The following SEMA6D variants were observed in gnomAD, a reference collection of about 807,000 sequenced individuals.
SEMA6D encodes semaphorin-6D.
SEMA6D carries 35 observed loss-of-function variants against 106.6 expected under a neutral mutation model. That is an observed-to-expected ratio of 0.33 (90% CI 0.25 to 0.44). The LOEUF (loss-of-function observed/expected upper bound fraction) is 0.44. Among genes scored for constraint, SEMA6D ranks in the 20% least tolerant of loss-of-function variants. The pLI, the probability that SEMA6D is intolerant of heterozygous loss-of-function variation, is 1.00. For missense variants in SEMA6D, 1,185 were observed against 1,345.9 expected, an observed-to-expected ratio of 0.88 and a Z score of 1.87; for synonymous variants, 499 against 487.7, an observed-to-expected ratio of 1.02 and a Z score of -0.31.
At chr15:47,292,947 G>C (rs1832117708) in intron 1 of SEMA6D, among the ~76,000 whole-genome samples, 1 of 152,304 alleles carries the variant, frequency 6.6e-6, no homozygotes, top group Middle Eastern at 3.4e-3. Flanking sequence ...TCGCCTGGCT[G>C]TGCAGTCTGT....
intron 1 of SEMA6D, among the ~76,000 whole-genome samples, chr15:47,372,944 C>T (rs1181802439): frequency 6.6e-6 from 1 of 152,150 alleles, no homozygotes; most frequent in Non-Finnish European, 1.5e-5. Flanking sequence ...TCCTAACTTC[C>T]AGCTCTTTGA....
chr15:47,756,985 G>A (rs955802398), intron 1 of SEMA6D, among the ~76,000 whole-genome samples: 4 of 151,516 alleles, frequency 2.6e-5, no homozygotes, highest in African/African-American at 9.7e-5. Flanking sequence ...GGATTAGAGT[G>A]GTAGGGGGTG....
chr15:47,738,218 T>C (rs1328185446), intron 1 of SEMA6D, among the ~76,000 whole-genome samples: 2 of 152,158 alleles, frequency 1.3e-5, no homozygotes, highest in African/African-American at 4.8e-5. Context: ...TTCTCAATGT[T>C]CAACTCCCAC....
chr15:47,552,034 A>G (rs2045709169), intron 3 of SEMA6D, among the ~76,000 whole-genome samples: 1 of 151,634 alleles, frequency 6.6e-6, no homozygotes, highest in Non-Finnish European at 1.5e-5. Context: ...GCCCAAGGAA[A>G]CAGACAAAAA....
intron 3 of SEMA6D, among the ~76,000 whole-genome samples, chr15:47,573,963 G>C (rs4775697): frequency 6.6e-6 from 1 of 152,214 alleles, no homozygotes; most frequent in African/African-American, 2.4e-5. Flanking sequence ...CAAATCTTCT[G>C]TGACAAAGCC....
At chr15:47,236,829 A>G (rs536071604) in intron 1 of SEMA6D, among the ~76,000 whole-genome samples, 1 of 152,300 alleles carries the variant, frequency 6.6e-6, no homozygotes, top group African/African-American at 2.4e-5. Flanking sequence ...ACTTGGGCAA[A>G]TAGCACGGGA....
At chr15:47,237,337 A>AC (rs2032614421) in intron 1 of SEMA6D, among the ~76,000 whole-genome samples, 1 of 152,120 alleles carries the variant, frequency 6.6e-6, no homozygotes, top group Non-Finnish European at 1.5e-5. Context: ...CACTTAAATG[A>AC]TCACACTGTG....
chr15:47,434,087 A>G (rs1347876240), intron 2 of SEMA6D, among the ~76,000 whole-genome samples: 3 of 152,148 alleles, frequency 2.0e-5, no homozygotes, highest in South Asian at 2.1e-4. Context: ...GAAGGCCACA[A>G]TGACAACCAT....
In SEMA6D at chr15:47,316,516, T is replaced by C. The variant is rs145705785; in HGVS notation, c.-238-95877T>C. The stretch of plus-strand genomic sequence containing the variant: ...AGGCTTTAAGTTTCTCACAATTAAG[T>C]ATGATGTTAGCTGTAGGATTTTTTT... On this transcript the variant is annotated intron_variant, in intron 1 of 19. Coordinates refer to the SEMA6D transcript ENST00000558014. 3.9e-3 allele frequency among the ~76,000 whole-genome samples: 600 copies of C among 152,066 alleles called. 5 individuals are homozygous for C. Among genetic ancestry groups the C allele is most frequent in the African/African-American group, 0.014 (563 of 41,438 alleles).
At position 47,771,643 on chromosome 15, in the gene SEMA6D, G is replaced by T. The variant is rs374244883; in HGVS notation, c.3080G>T (p.Arg1027Ile). 44 of 1,613,986 alleles carry T rather than the reference G, an allele frequency of 2.7e-5. No homozygotes were observed. Among genetic ancestry groups the T allele is most frequent in the Non-Finnish European group, 3.6e-5 (43 of 1,179,988 alleles). The part of the protein sequence containing the change: ...VSVHLQPSLS[R>I]QSSYTSNGTL... The stretch of plus-strand genomic sequence containing the variant: ...GTTCATCTGCAGCCTTCCCTCTCCA[G>T]ACAGAGCAGCTACACCAGTAATGGC... The change falls in exon 19 of 19, where the codon AGA becomes ATA. Residue 1027 changes from arginine to isoleucine, a missense_variant. By Grantham distance (97) the Arg-to-Ile change is moderately conservative (BLOSUM62 -3). This residue lies in a region of SEMA6D where 750 missense variants were observed against 783.5 expected (regional missense o/e 0.96). Coordinates refer to ENST00000536845, the MANE Select transcript of SEMA6D (RefSeq NM_001358351.3).
At chr15:47,506,385 T>TTG (rs1217520929) in intron 3 of SEMA6D, among the ~76,000 whole-genome samples, 3 of 152,120 alleles carry the variant, frequency 2.0e-5, no homozygotes, top group Non-Finnish European at 1.5e-5. Context: ...CGGAGAAACC[T>TTG]TTGCTAAATT....
At chr15:47,416,481 T>C (rs916243341) in intron 2 of SEMA6D, among the ~76,000 whole-genome samples, 70 of 152,128 alleles carry the variant, frequency 4.6e-4, no homozygotes, top group African/African-American at 1.6e-3. Flanking sequence ...TTTCCATGTG[T>C]TTATAACTGA....
chr15:47,762,154 C>A, intron 7 of SEMA6D, 46 bp from the exon 8 acceptor site: 2 of 1,611,056 alleles, frequency 1.2e-6, no homozygotes, highest in Non-Finnish European at 1.7e-6. Context: ...TAACACACTG[C>A]AGGATAATTA....
intron 3 of SEMA6D, among the ~76,000 whole-genome samples, chr15:47,523,480 A>G (rs1239259043): frequency 3.3e-5 from 5 of 151,990 alleles, no homozygotes; most frequent in Non-Finnish European, 5.9e-5. Context: ...CAAGCAGAGG[A>G]AAAGGGCAGG....
At chr15:47,531,707 C>A (rs984088520) in intron 3 of SEMA6D, among the ~76,000 whole-genome samples, 1 of 152,194 alleles carries the variant, frequency 6.6e-6, no homozygotes, top group Non-Finnish European at 1.5e-5. Context: ...AATGTCAGGA[C>A]ACAATGCTTT....
At chr15:47,402,086 G>A (rs937906907) in intron 1 of SEMA6D, among the ~76,000 whole-genome samples, 1 of 152,198 alleles carries the variant, frequency 6.6e-6, no homozygotes, top group African/African-American at 2.4e-5. Flanking sequence ...TGATGAAAAT[G>A]TTCAGTATCT....
At chr15:47,574,055 A>G (rs2076113552) in intron 3 of SEMA6D, among the ~76,000 whole-genome samples, 1 of 152,092 alleles carries the variant, frequency 6.6e-6, no homozygotes, top group Non-Finnish European at 1.5e-5. Flanking sequence ...GTTATTTCAT[A>G]GGATCCAGGC....
At chr15:47,642,325 A>G (rs1912634) in intron 4 of SEMA6D, among the ~76,000 whole-genome samples, 18 of 152,266 alleles carry the variant, frequency 1.2e-4, no homozygotes, top group African/African-American at 3.9e-4. Context: ...AGATGAGTAA[A>G]CTGGGGTGCA....
intron 1 of SEMA6D, among the ~76,000 whole-genome samples, chr15:47,204,474 G>A (rs1263802033): frequency 2.0e-5 from 3 of 152,008 alleles, no homozygotes; most frequent in Non-Finnish European, 4.4e-5. Context: ...CTGTGGAAAG[G>A]GTGACTGTTT....
Sources: allele counts gnomAD v4.1 joint callset (sites outside exome capture counted in the v4.1 genomes callset), GRCh38; gene constraint gnomAD v4.1.1; regional missense constraint gnomAD v4.1.1; transcripts MANE v1.5; gene names NCBI Gene and HGNC (gene_info 2026-07-23, HGNC 2026-07-21).